Variants in CTDNEP1 observed in about 807,000 individuals in gnomAD.
CTDNEP1 encodes C-terminal domain nuclear envelope phosphatase 1.
In CTDNEP1, 3 loss-of-function variants were observed where a neutral mutation model predicts 30.1. The observed-to-expected ratio is 0.10, with a 90% CI of 0.05 to 0.26. The LOEUF (loss-of-function observed/expected upper bound fraction) is 0.26, where lower values mean the gene tolerates loss of function less well. Ranked by LOEUF, CTDNEP1 falls within the 10% of genes least tolerant of loss-of-function variation. The pLI, the probability that CTDNEP1 is intolerant of heterozygous loss-of-function variation, is 1.00. For missense variants in CTDNEP1, 158 were observed against 310.4 expected, an observed-to-expected ratio of 0.51 and a Z score of 3.69; for synonymous variants, 123 against 118.8, an observed-to-expected ratio of 1.04 and a Z score of -0.23.
intron 1 of CTDNEP1, 88 bp from the exon 2 acceptor site, chr17:7,247,431 C>T (rs2071855049): frequency 2.0e-6 from 2 of 997,130 alleles, no homozygotes; most frequent in South Asian, 1.3e-5. Flanking sequence ...GAACATTTAC[C>T]ACAGGTACTA....
chr17:7,244,293 C>A, intron 7 of CTDNEP1, 48 bp from the exon 8 acceptor site: 1 of 1,582,382 alleles, frequency 6.3e-7, no homozygotes, highest in Non-Finnish European at 8.7e-7. Context: ...TAGTTCATAC[C>A]CTCACAACAC....
rs1286581568 is a variant in CTDNEP1 at position 7,243,927 on chromosome 17, C to G, written c.*258G>C. The G allele has an allele frequency of 7.5e-7, 1 of 1,340,592 alleles. No homozygotes were observed. Among genetic ancestry groups the G allele is most frequent in the Non-Finnish European group, 9.6e-7 (1 of 1,041,596 alleles). The allele number at this position is 1,340,592 out of a possible 1,614,324, so 83.0% of individuals were successfully genotyped here. ...TCTTCACAAACACTGATTCGGCTCTCCTAGGCTTCCGCCTGTGTCCCAGTC... is the reference window on the plus strand; with the variant it reads ...TCTTCACAAACACTGATTCGGCTCTGCTAGGCTTCCGCCTGTGTCCCAGTC... On this transcript the variant is annotated 3_prime_UTR_variant, in exon 8 of 8. Coordinates refer to ENST00000574322, the MANE Select transcript of CTDNEP1 (RefSeq NM_001143775.2).
Position 7,246,937 on chromosome 17 carries a change from G to T in CTDNEP1, c.289-75C>A. The T allele has an allele frequency of 6.9e-7, 1 of 1,450,290 alleles. No individual in the cohort carries two copies. Among genetic ancestry groups the T allele is most frequent in the Non-Finnish European group, 9.7e-7 (1 of 1,033,956 alleles). The allele number at this position is 1,450,290 out of a possible 1,614,324, so 89.8% of individuals were successfully genotyped here. ...GGCCTAGAAAACGCCCCACCCATCT[G>T]CTTCCCTCCTCCAGGCTGACACTGG... On this transcript the variant is annotated intron_variant, in intron 3 of 7. Coordinates refer to ENST00000574322, the MANE Select transcript of CTDNEP1 (RefSeq NM_001143775.2). This position sits in a 1 kb window ranked among gnomAD's most constrained non-coding sequence, Gnocchi z 4.9.
chr17:7,251,286 G>A lies in CTDNEP1; in HGVS notation c.11C>T (p.Thr4Met), dbSNP rs1265125745. 1 of 1,581,880 alleles carries A rather than the reference G, an allele frequency of 6.3e-7. No individual in the cohort carries two copies. The highest frequency in any genetic ancestry group is 1.2e-5 in the South Asian group (1 of 86,660). MMR[T>M]QCLLGLRTFV... is the part of the protein sequence containing the mutation. The stretch of plus-strand genomic sequence containing the variant: ...CGTGCGCAGCCCCAGCAGACACTGC[G>A]TCCGCATCATCCCGATGACCCCGGC... Residue 4 changes from threonine (T) to methionine (M), a missense_variant, in exon 1 of 8, where the codon ACG becomes ATG. Physicochemically the swap from Thr to Met is moderately conservative, Grantham distance 81. Around this residue, in one of 2 missense-constraint regions of CTDNEP1, gnomAD observed 62 missense variants for 81.4 expected, o/e 0.76. Transcript: ENST00000574322.
chr17:7,244,425 G>A (rs1240675518), intron 7 of CTDNEP1, 126 bp downstream of exon 7: 1 of 1,206,094 alleles, frequency 8.3e-7, no homozygotes, highest in Admixed American at 1.9e-5. Flanking sequence ...AAGACGACCT[G>A]GGTCCAAATG....
chr17:7,245,216 TG>T (rs2071820108), intron 6 of CTDNEP1, among the ~76,000 whole-genome samples: 1 of 151,964 alleles, frequency 6.6e-6, no homozygotes, highest in Non-Finnish European at 1.5e-5. Context: ...TGCTTGAACC[TG>T]GAAGTCGGAG....
rs373923363 is a variant in CTDNEP1, at chr17:7,246,757, A to G, written c.360+34T>C. ...CCCAGAGCCCTAAAACCATTCCTTC[A>G]TTACAGAGCTCCCTTTAGCTCTCCA... On this transcript the variant is annotated intron_variant, in intron 4 of 7. Coordinates refer to ENST00000574322, the MANE Select transcript of CTDNEP1 (RefSeq NM_001143775.2). The surrounding 1 kb of genome is among the most constrained non-coding windows in gnomAD (Gnocchi z 4.9). 2.4e-4 allele frequency: 380 copies of G among 1,564,662 alleles called. 2 individuals are homozygous for G. In the South Asian group the frequency reaches 3.6e-3, roughly 15 times the overall value.
intron 1 of CTDNEP1, among the ~76,000 whole-genome samples, chr17:7,248,931 C>G (rs2071878783): frequency 2.6e-5 from 4 of 152,222 alleles, no homozygotes. Flanking sequence ...CTGTCCACTT[C>G]TGTCCCTTCT....
rs1189531572 is a variant in CTDNEP1 at position 7,244,134 on chromosome 17, C to T, written c.*51G>A. The T allele has an allele frequency of 1.2e-6, 2 of 1,610,802 alleles. No homozygotes were observed. The highest frequency in any genetic ancestry group is 1.7e-5 in the Admixed American group (1 of 59,888). On this transcript the variant is annotated 3_prime_UTR_variant, in exon 8 of 8. Coordinates refer to ENST00000574322, the MANE Select transcript of CTDNEP1 (RefSeq NM_001143775.2). ...AGGGCATCAGACGGCATCCCAAGGG[C>T]TCGCCCTCCCTTTCCCCCCCACCCC...
intron 1 of CTDNEP1, among the ~76,000 whole-genome samples, chr17:7,250,926 C>T (rs1052428398): frequency 4.6e-5 from 7 of 152,136 alleles, no homozygotes; most frequent in Non-Finnish European, 8.8e-5. Flanking sequence ...TCTTAAAGAG[C>T]GCCCCACCCA....
intron 1 of CTDNEP1, among the ~76,000 whole-genome samples, chr17:7,249,014 A>G (rs2071879640): frequency 1.3e-5 from 2 of 152,136 alleles, no homozygotes; most frequent in Non-Finnish European, 2.9e-5. Flanking sequence ...GGTGAGGCAA[A>G]GAACACTGGA....
intron 7 of CTDNEP1, 94 bp from the exon 8 acceptor site, chr17:7,244,339 A>G (rs1281988543): frequency 7.2e-7 from 1 of 1,379,378 alleles, no homozygotes; most frequent in African/African-American, 1.4e-5. Flanking sequence ...TGTGGGACCT[A>G]AATTATCACC....
chr17:7,250,587 G>C (rs2071903463), intron 1 of CTDNEP1, among the ~76,000 whole-genome samples: 1 of 152,182 alleles, frequency 6.6e-6, no homozygotes, highest in African/African-American at 2.4e-5. Flanking sequence ...CATCGTAAAA[G>C]CATCTGCTTT....
chr17:7,245,914 A>C, intron 6 of CTDNEP1, 112 bp downstream of exon 6: 1 of 681,426 alleles, frequency 1.5e-6, no homozygotes, highest in Non-Finnish European at 2.6e-6. Flanking sequence ...ACAGCAAACT[A>C]GGGATAATCT....
At chr17:7,249,338 C>T (rs1431725468) in intron 1 of CTDNEP1, among the ~76,000 whole-genome samples, 4 of 152,190 alleles carry the variant, frequency 2.6e-5, no homozygotes, top group Non-Finnish European at 5.9e-5. Flanking sequence ...CTTCTTTTCT[C>T]CCTGGGCCAT....
At chr17:7,245,495 TTATTTATTATTTA>T (rs2071824052) in intron 6 of CTDNEP1, among the ~76,000 whole-genome samples, 1 of 151,316 alleles carries the variant, frequency 6.6e-6, no homozygotes, top group Non-Finnish European at 1.5e-5. Flanking sequence ...TTATTTTTAT[TTATTTATTATTTA>T]TTTTTTTTGA....
At position 7,243,916 on chromosome 17, in the gene CTDNEP1, G is replaced by C. The variant is rs8930; in HGVS notation, c.*269C>G. ...CCAGTCCTGCCTCTTCACAAACACTGATTCGGCTCTCCTAGGCTTCCGCCT... is the reference window on the plus strand; with the variant it reads ...CCAGTCCTGCCTCTTCACAAACACTCATTCGGCTCTCCTAGGCTTCCGCCT... On this transcript the variant is annotated 3_prime_UTR_variant, in exon 8 of 8. Coordinates refer to ENST00000574322, the MANE Select transcript of CTDNEP1 (RefSeq NM_001143775.2). The C allele has an allele frequency of 2.3e-6, 3 of 1,310,746 alleles. No homozygotes were observed. The African/African-American group carries it at 4.5e-5, about 19-fold the overall frequency. The allele number at this position is 1,310,746 out of a possible 1,614,324, so 81.2% of individuals were successfully genotyped here.
intron 1 of CTDNEP1, among the ~76,000 whole-genome samples, chr17:7,250,449 C>T (rs1310320853): frequency 2.0e-5 from 3 of 152,126 alleles, no homozygotes; most frequent in East Asian, 3.9e-4. Flanking sequence ...GCTAGGCTCT[C>T]CTGGAGAAGC....
chr17:7,247,443 G>A (rs1311912919), intron 1 of CTDNEP1, 100 bp from the exon 2 acceptor site: 4 of 830,758 alleles, frequency 4.8e-6, no homozygotes, highest in Non-Finnish European at 6.0e-6. Context: ...CAGGTACTAT[G>A]TATGTAATTT....
Sources: allele counts gnomAD v4.1 joint callset (sites outside exome capture counted in the v4.1 genomes callset), GRCh38; gene constraint gnomAD v4.1.1; regional missense constraint gnomAD v4.1.1; non-coding constraint Gnocchi (gnomAD v3.1); transcripts MANE v1.5; gene names NCBI Gene and HGNC (gene_info 2026-07-23, HGNC 2026-07-21).